TENM1: variants seen among roughly 807,000 people sequenced by gnomAD.
TENM1 encodes teneurin transmembrane protein 1.
TENM1 carries 35 observed loss-of-function variants against 174.8 expected under a neutral mutation model. That is an observed-to-expected ratio of 0.20 (90% CI 0.15 to 0.27). The LOEUF (loss-of-function observed/expected upper bound fraction) is 0.27. TENM1 is among the 10% of genes least tolerant of loss of function. The probability of loss-of-function intolerance (pLI) is 1.00; values close to 1 mark genes in which losing one functional copy is unlikely to be tolerated. For missense variants in TENM1, 1,633 were observed against 2,130.1 expected, an observed-to-expected ratio of 0.77 and a Z score of 4.59; for synonymous variants, 781 against 798.7, an observed-to-expected ratio of 0.98 and a Z score of 0.37.
chrX:125,158,589 C>T, the TENM1 span, among the ~76,000 whole-genome samples: 4 of 110,026 alleles, frequency 3.6e-5, no homozygotes, highest in African/African-American at 1.3e-4. Flanking sequence ...ATAACATTAA[C>T]ATTCATGTCC....
At chrX:124,939,489 T>C (rs894879784) in intron 1 of TENM1, among the ~76,000 whole-genome samples, 4 of 111,562 alleles carry the variant, frequency 3.6e-5, no homozygotes, top group Non-Finnish European at 7.5e-5. Context: ...AAATTAAAAT[T>C]ACTGTATTTA....
intron 11 of TENM1, among the ~76,000 whole-genome samples, chrX:124,609,925 G>T (rs2050244810): frequency 8.9e-6 from 1 of 111,801 alleles, no homozygotes; most frequent in African/African-American, 3.2e-5. Context: ...TTTTATGCTG[G>T]AATCAGCCAA....
chrX:124,851,675 C>A (rs2056722107), intron 3 of TENM1, among the ~76,000 whole-genome samples: 1 of 110,838 alleles, frequency 9.0e-6, no homozygotes, highest in Non-Finnish European at 1.9e-5. Context: ...TCTGTGCAGC[C>A]TTCCCTGATG....
At chrX:124,546,383 G>T (rs1484706513) in intron 15 of TENM1, among the ~76,000 whole-genome samples, 1 of 111,683 alleles carries the variant, frequency 9.0e-6, no homozygotes, top group Non-Finnish European at 1.9e-5. Context: ...TGCCTTATGG[G>T]TTGGGCTTTG....
chrX:124,539,152 A>C (rs964891957), intron 15 of TENM1, among the ~76,000 whole-genome samples: 1 of 111,897 alleles, frequency 8.9e-6, no homozygotes, highest in African/African-American at 3.2e-5. Flanking sequence ...TATGTCACAG[A>C]ATTTTGATTC....
intron 3 of TENM1, among the ~76,000 whole-genome samples, chrX:124,841,258 T>A (rs2056492751): frequency 9.0e-6 from 1 of 111,663 alleles, no homozygotes; most frequent in Admixed American, 9.5e-5. Context: ...ACACACACAC[T>A]TAGATAAACA....
intron 18 of TENM1, among the ~76,000 whole-genome samples, chrX:124,508,445 G>C (rs1238452708): frequency 8.9e-6 from 1 of 112,122 alleles, no homozygotes; most frequent in Non-Finnish European, 1.9e-5. Context: ...CATCTTTCTT[G>C]CCCTAAAATA....
At chrX:124,733,819 G>A (rs762968108) in intron 4 of TENM1, among the ~76,000 whole-genome samples, 12 of 112,132 alleles carry the variant, frequency 1.1e-4, no homozygotes, top group South Asian at 3.7e-4. Flanking sequence ...CAGAAGGTCC[G>A]TGGGTGCAGT....
At chrX:124,998,724 A>G in the TENM1 span, among the ~76,000 whole-genome samples, 1 of 111,638 alleles carries the variant, frequency 9.0e-6, no homozygotes, top group Non-Finnish European at 1.9e-5. Context: ...TGTTAAAGCA[A>G]TAAGACTTGG....
chrX:124,713,888 C>G lies in TENM1; in HGVS notation c.777-8637G>C, dbSNP rs186135326. Among the ~76,000 whole-genome samples the G allele has an allele frequency of 1.6e-4, 18 of 112,114 alleles. No homozygotes were observed. The Admixed American group carries it at 1.7e-3, about 11-fold the overall frequency. On this transcript the variant is annotated intron_variant, in intron 4 of 31. Coordinates refer to ENST00000422452, the Ensembl canonical transcript of TENM1. Reference sequence around the variant, plus strand: ...GAATGTAAAAACAACTATATGCGCTCATTTCATTTTCACATAATCTAAAAT... The same window carrying G: ...GAATGTAAAAACAACTATATGCGCTGATTTCATTTTCACATAATCTAAAAT...
intron 3 of TENM1, among the ~76,000 whole-genome samples, chrX:124,793,840 G>A (rs964089841): frequency 3.6e-5 from 4 of 110,115 alleles, no homozygotes; most frequent in Non-Finnish European, 7.6e-5. Context: ...TAGCAGACCC[G>A]GCTCTCTCCA....
At chrX:125,053,715 T>C in the TENM1 span, among the ~76,000 whole-genome samples, 1 of 111,802 alleles carries the variant, frequency 8.9e-6, no homozygotes, top group Admixed American at 9.6e-5. Flanking sequence ...TGTCACTTTC[T>C]TTGTGCTGAG....
chrX:124,923,058 G>A (rs770812040), intron 1 of TENM1, among the ~76,000 whole-genome samples: 42 of 111,781 alleles, frequency 3.8e-4, no homozygotes, highest in African/African-American at 1.2e-3. Context: ...CAAAATATTA[G>A]GTCAAGCTTC....
intron 3 of TENM1, among the ~76,000 whole-genome samples, chrX:124,836,847 C>T (rs1482375774): frequency 2.7e-5 from 3 of 112,164 alleles, no homozygotes; most frequent in South Asian, 3.7e-4. Flanking sequence ...TTTCCTCCCA[C>T]GGCTTTGTTT....
At chrX:124,826,064 C>G (rs957264275) in intron 3 of TENM1, among the ~76,000 whole-genome samples, 4 of 111,370 alleles carry the variant, frequency 3.6e-5, no homozygotes, top group African/African-American at 1.3e-4. Context: ...AGCTCTACTG[C>G]TGAAATAATT....
chrX:125,004,462 T>C, the TENM1 span, among the ~76,000 whole-genome samples: 10 of 112,093 alleles, frequency 8.9e-5, no homozygotes. Context: ...TGTCTGCCCT[T>C]GGTTACAGGG....
chrX:124,632,793 T>C (rs1198476507), intron 11 of TENM1, among the ~76,000 whole-genome samples: 1 of 112,066 alleles, frequency 8.9e-6, no homozygotes, highest in African/African-American at 3.2e-5. Flanking sequence ...AATAGTATCA[T>C]TCAGCTTATT....
At chrX:124,497,331 A>T in intron 19 of TENM1, 66 bp from the exon 23 acceptor site, 2 of 1,077,995 alleles carry the variant, frequency 1.9e-6, no homozygotes, top group Non-Finnish European at 2.5e-6. Context: ...TCTCAGCAAT[A>T]TTTTAATTTA....
Position 124,532,123 on chromosome X carries a change from TCCACCAGTTAACAAGGTGG to T in TENM1, c.2652-2159_2652-2141del, listed in dbSNP as rs1021269405. On this transcript the variant is annotated intron_variant, in intron 15 of 31. Coordinates refer to ENST00000422452, the Ensembl canonical transcript of TENM1. Reference sequence around the variant, plus strand: ...GGGTTAGTTATTACCTTGCCAAGCCTCCACCAGTTAACAAGGTGGCCTTTACAACAATAACACCTACCTA... The same window carrying T: ...GGGTTAGTTATTACCTTGCCAAGCCTCCTTTACAACAATAACACCTACCTA... 5.4e-5 allele frequency among the ~76,000 whole-genome samples: 6 copies of T among 111,803 alleles called. No homozygotes were observed. The Admixed American group carries it at 5.7e-4, about 11-fold the overall frequency.
Sources: allele counts gnomAD v4.1 joint callset (sites outside exome capture counted in the v4.1 genomes callset), GRCh38; gene constraint gnomAD v4.1.1; transcripts MANE v1.5; gene names NCBI Gene and HGNC (gene_info 2026-07-23, HGNC 2026-07-21).